Variants in NBAS observed in about 807,000 individuals in gnomAD.
The protein encoded by NBAS is NBAS subunit of NRZ tethering complex, also known as NAG/BC035112 fusion.
A neutral mutation model predicts 302.5 loss-of-function variants in NBAS; 219 were observed. The ratio of observed to expected loss-of-function variants is 0.72; its 90% CI spans 0.65 to 0.81. The LOEUF is 0.81. Among genes scored for constraint, NBAS ranks in the 30% least tolerant of loss-of-function variants. The pLI is 0.00. For synonymous variants in NBAS, 1,118 were observed against 1,021.6 expected, an observed-to-expected ratio of 1.09 and a Z score of -1.80; for missense variants, 2,932 against 2,841.6, an observed-to-expected ratio of 1.03 and a Z score of -0.72.
intron 8 of NBAS, 119 bp from the exon 9 acceptor site, chr2:15,534,760 T>C: frequency 3.7e-6 from 3 of 805,130 alleles, no homozygotes; most frequent in East Asian, 2.5e-5. Flanking sequence ...GCTGAGGATA[T>C]AAAACAACCA....
the NBAS span, among the ~76,000 whole-genome samples, chr2:14,990,713 C>T: frequency 3.3e-5 from 5 of 152,214 alleles, no homozygotes; most frequent in East Asian, 5.8e-4. Flanking sequence ...GATCTTCCTG[C>T]CTCAGCCTCC....
chr2:14,878,098 T>C, the NBAS span, among the ~76,000 whole-genome samples: 3 of 152,332 alleles, frequency 2.0e-5, no homozygotes, highest in South Asian at 4.1e-4. Flanking sequence ...CAGGGCCTAC[T>C]AGTGCTCCCA....
rs191312298 is a variant in NBAS, at chr2:15,424,399, C to T, written c.2493G>A (p.Arg831=). The T allele has an allele frequency of 1.2e-6, 2 of 1,614,118 alleles. No individual in the cohort carries two copies. The highest frequency in any genetic ancestry group is 1.7e-6 in the Non-Finnish European group (2 of 1,179,992). The part of the protein sequence containing the change: ...FLYAAQPELL[R]FRMTQLTVEK... The stretch of plus-strand genomic sequence containing the variant: ...CCACCGTAAGCTGGGTCATCCTGAA[C>T]CTTAGTAACTCAGGCTGTGCAGCAT... Residue 831 remains arginine (R), a synonymous_variant, in exon 23 of 52, where the codon AGG becomes AGA. Coordinates refer to ENST00000281513, the MANE Select transcript of NBAS (RefSeq NM_015909.4).
At chr2:15,266,193 G>A (rs1669069121) in intron 44 of NBAS, among the ~76,000 whole-genome samples, 1 of 152,112 alleles carries the variant, frequency 6.6e-6, no homozygotes, top group Non-Finnish European at 1.5e-5. Flanking sequence ...GTTTCCTGAA[G>A]CCTCCCCAGC....
At chr2:15,513,532 ATACTT>A (rs1179022657) in intron 9 of NBAS, among the ~76,000 whole-genome samples, 1 of 152,184 alleles carries the variant, frequency 6.6e-6, no homozygotes, top group African/African-American at 2.4e-5. Flanking sequence ...AAAAAGAAAA[ATACTT>A]TAAACAACAC....
At chr2:15,360,330 TA>T (rs551926742) in intron 32 of NBAS, among the ~76,000 whole-genome samples, 7,080 of 92,954 alleles carry the variant, frequency 0.076, 251 homozygotes, top group African/African-American at 0.13. Context: ...TACCATAACT[TA>T]AAAAAAAAAA....
chr2:14,791,913 G>A, the NBAS span, among the ~76,000 whole-genome samples: 4 of 152,054 alleles, frequency 2.6e-5, no homozygotes, highest in African/African-American at 7.2e-5. Context: ...GCCTGATCCC[G>A]AAAACATCTT....
the NBAS span, among the ~76,000 whole-genome samples, chr2:15,095,326 G>A: frequency 6.6e-6 from 1 of 152,144 alleles, no homozygotes; most frequent in Non-Finnish European, 1.5e-5. Flanking sequence ...GCCTGGGGAG[G>A]CCTCACAATC....
chr2:15,449,345 A>G (rs1678897259), intron 21 of NBAS, among the ~76,000 whole-genome samples: 1 of 152,216 alleles, frequency 6.6e-6, no homozygotes, highest in African/African-American at 2.4e-5. Context: ...ATGCTATGTG[A>G]ACTATATGTG....
At chr2:15,040,574 G>A in the NBAS span, among the ~76,000 whole-genome samples, 661 of 152,326 alleles carry the variant, frequency 4.3e-3, 2 homozygotes, top group African/African-American at 0.015. Context: ...AACTTATGCT[G>A]TCTAGACTCA....
the NBAS span, among the ~76,000 whole-genome samples, chr2:14,974,367 G>C: frequency 6.6e-6 from 1 of 152,192 alleles, no homozygotes; most frequent in African/African-American, 2.4e-5. Context: ...GGGATCTTTG[G>C]AGTGGACATG....
intron 11 of NBAS, among the ~76,000 whole-genome samples, chr2:15,494,283 C>T (rs4396685): frequency 0.62 from 94,808 of 151,842 alleles, 30,335 homozygotes; most frequent in Non-Finnish European, 0.68. Flanking sequence ...TATGTGACCA[C>T]AGGCACATTA....
At chr2:14,941,967 A>G in the NBAS span, among the ~76,000 whole-genome samples, 784 of 152,260 alleles carry the variant, frequency 5.1e-3, 13 homozygotes, top group African/African-American at 0.018. Flanking sequence ...GCTTTTTCTC[A>G]GACTAGTTGG....
chr2:14,784,415 T>G, the NBAS span, among the ~76,000 whole-genome samples: 42 of 152,362 alleles, frequency 2.8e-4, no homozygotes, highest in African/African-American at 9.6e-4. Flanking sequence ...TGAATGGTAA[T>G]GCCTAGGTTT....
the NBAS span, among the ~76,000 whole-genome samples, chr2:15,071,174 A>G: frequency 6.6e-6 from 1 of 152,234 alleles, no homozygotes; most frequent in Non-Finnish European, 1.5e-5. Context: ...TATGCTCGGT[A>G]AGACTAACGC....
chr2:14,786,652 T>C, the NBAS span, among the ~76,000 whole-genome samples: 4 of 152,374 alleles, frequency 2.6e-5, no homozygotes, highest in African/African-American at 9.6e-5. Flanking sequence ...TTCTTAATCC[T>C]GAGTTCTAGT....
intron 11 of NBAS, among the ~76,000 whole-genome samples, chr2:15,496,097 TACACACACACAC>T (rs61047968): frequency 6.9e-6 from 1 of 143,964 alleles, no homozygotes. Flanking sequence ...CATATACAGA[TACACACACACAC>T]ACACACACAC....
the NBAS span, among the ~76,000 whole-genome samples, chr2:14,889,332 G>T: frequency 6.6e-6 from 1 of 152,164 alleles, no homozygotes; most frequent in African/African-American, 2.4e-5. Context: ...ATGCCATCAA[G>T]AAAACTACAG....
chr2:14,884,184 T>C, the NBAS span, among the ~76,000 whole-genome samples: 18 of 152,112 alleles, frequency 1.2e-4, no homozygotes, highest in East Asian at 3.5e-3. Flanking sequence ...ATTTTGAGCG[T>C]AGTTAATGTG....
Sources: allele counts gnomAD v4.1 joint callset (sites outside exome capture counted in the v4.1 genomes callset), GRCh38; gene constraint gnomAD v4.1.1; transcripts MANE v1.5; gene names NCBI Gene and HGNC (gene_info 2026-07-23, HGNC 2026-07-21).